Variants in CSMD1 observed in about 807,000 individuals in gnomAD.
CSMD1 encodes CUB and sushi domain-containing protein 1.
Under a neutral mutation model 417.5 loss-of-function variants are expected in CSMD1, and 213 were observed. The observed-to-expected ratio is 0.51, with a 90% CI of 0.46 to 0.57. The LOEUF (loss-of-function observed/expected upper bound fraction) is 0.57. Among genes scored for constraint, CSMD1 ranks in the 20% least tolerant of loss-of-function variants. The pLI is 0.00. For synonymous variants in CSMD1, 2,862 were observed against 1,736.8 expected (o/e 1.65, Z -16.11); for missense variants, 6,923 against 4,529.7 (o/e 1.53, Z -15.17).
At chr8:4,610,387 T>C (rs1248618324) in intron 2 of CSMD1, among the ~76,000 whole-genome samples, 1 of 152,202 alleles carries the variant, frequency 6.6e-6, no homozygotes, top group East Asian at 1.9e-4. Context: ...AATGACACCA[T>C]GCAGAAAGTT....
chr8:4,359,102 C>A (rs1039761674), intron 3 of CSMD1, among the ~76,000 whole-genome samples: 1 of 152,002 alleles, frequency 6.6e-6, no homozygotes, highest in African/African-American at 2.4e-5. Context: ...TTAATAAATG[C>A]AGGAATACTA....
At chr8:3,250,466 C>T (rs1298552542) in intron 26 of CSMD1, among the ~76,000 whole-genome samples, 3 of 152,180 alleles carry the variant, frequency 2.0e-5, no homozygotes, top group Non-Finnish European at 2.9e-5. Context: ...CATTGTTGGG[C>T]ATTTGGGTTG....
intron 5 of CSMD1, among the ~76,000 whole-genome samples, chr8:3,880,404 C>A (rs988160920): frequency 5.9e-5 from 9 of 152,128 alleles, no homozygotes; most frequent in East Asian, 5.8e-4. Context: ...GCCTCATGAC[C>A]AAATTAGCTT....
chr8:3,444,693 G>A (rs1431203960), intron 12 of CSMD1, among the ~76,000 whole-genome samples: 3 of 152,114 alleles, frequency 2.0e-5, no homozygotes, highest in Non-Finnish European at 2.9e-5. Flanking sequence ...GGCTGAGGAG[G>A]CTATGAAAAC....
intron 8 of CSMD1, among the ~76,000 whole-genome samples, chr8:3,605,441 C>T (rs1015495243): frequency 6.6e-6 from 1 of 152,170 alleles, no homozygotes; most frequent in Non-Finnish European, 1.5e-5. Flanking sequence ...AAAACCAATG[C>T]AGCAATACTA....
At chr8:4,360,361 C>T (rs968892403) in intron 3 of CSMD1, among the ~76,000 whole-genome samples, 3 of 152,286 alleles carry the variant, frequency 2.0e-5, no homozygotes, top group African/African-American at 7.2e-5. Context: ...TTAACACATG[C>T]CTCTTTACCC....
intron 38 of CSMD1, among the ~76,000 whole-genome samples, chr8:3,159,254 T>G (rs1819731161): frequency 6.6e-6 from 1 of 152,182 alleles, no homozygotes; most frequent in Non-Finnish European, 1.5e-5. Context: ...TGCTATTGAT[T>G]TTGTTATAAA....
At chr8:4,133,498 C>A (rs1262288086) in intron 3 of CSMD1, among the ~76,000 whole-genome samples, 2 of 152,150 alleles carry the variant, frequency 1.3e-5, no homozygotes, top group East Asian at 3.9e-4. Context: ...GAAAAGCCTG[C>A]CCTGCAATTA....
At chr8:4,768,642 G>T (rs10503278) in intron 1 of CSMD1, among the ~76,000 whole-genome samples, 2 of 152,034 alleles carry the variant, frequency 1.3e-5, no homozygotes, top group African/African-American at 4.8e-5. Context: ...GGTGATACCC[G>T]CAAAGTACAG....
At chr8:4,820,878 G>A (rs747990795) in intron 1 of CSMD1, among the ~76,000 whole-genome samples, 3 of 152,154 alleles carry the variant, frequency 2.0e-5, no homozygotes, top group East Asian at 1.9e-4. Context: ...ACTTTTATAT[G>A]GAGGTGATTT....
chr8:4,251,450 G>C (rs1803065780), intron 3 of CSMD1, among the ~76,000 whole-genome samples: 1 of 152,022 alleles, frequency 6.6e-6, no homozygotes, highest in Non-Finnish European at 1.5e-5. Flanking sequence ...AGGCAATTAA[G>C]GCCCCTACAC....
At chr8:3,997,463 C>G (rs983348456) in intron 5 of CSMD1, among the ~76,000 whole-genome samples, 1 of 152,150 alleles carries the variant, frequency 6.6e-6, no homozygotes, top group African/African-American at 2.4e-5. Context: ...CAGGTGGCTA[C>G]AGAATGTGGT....
intron 2 of CSMD1, among the ~76,000 whole-genome samples, chr8:4,523,654 C>T (rs888351538): frequency 6.6e-6 from 1 of 152,074 alleles, no homozygotes; most frequent in Admixed American, 6.6e-5. Flanking sequence ...GGCCTGAAGG[C>T]AACTCTAATC....
intron 6 of CSMD1, among the ~76,000 whole-genome samples, chr8:3,730,365 G>A (rs947164526): frequency 2.8e-5 from 3 of 105,622 alleles, no homozygotes; most frequent in African/African-American, 1.0e-4. Context: ...AAAATTTAAG[G>A]AGCGATTTTT....
intron 16 of CSMD1, among the ~76,000 whole-genome samples, chr8:3,397,573 T>C (rs1367040781): frequency 3.3e-5 from 5 of 152,356 alleles, no homozygotes; most frequent in South Asian, 2.1e-4. Flanking sequence ...TGGGATTGCA[T>C]AGTGCCAACT....
At chr8:3,589,182 G>A (rs1364165106) in intron 8 of CSMD1, among the ~76,000 whole-genome samples, 2 of 152,236 alleles carry the variant, frequency 1.3e-5, no homozygotes, top group Middle Eastern at 3.4e-3. Context: ...TAGTATAGGG[G>A]TTGCTGAAAA....
chr8:3,580,240 A>G (rs1800325383), intron 9 of CSMD1, among the ~76,000 whole-genome samples: 1 of 152,230 alleles, frequency 6.6e-6, no homozygotes, highest in South Asian at 2.1e-4. Flanking sequence ...ACACATGGAC[A>G]TATAATGTCA....
intron 5 of CSMD1, among the ~76,000 whole-genome samples, chr8:3,767,260 C>A (rs1425008537): frequency 6.6e-6 from 1 of 152,208 alleles, no homozygotes. Context: ...TTTATGAAAA[C>A]CAGCCGCCTT....
intron 1 of CSMD1, among the ~76,000 whole-genome samples, chr8:4,942,747 A>G (rs968886236): frequency 6.6e-6 from 1 of 152,236 alleles, no homozygotes; most frequent in Non-Finnish European, 1.5e-5. Context: ...TCATCAACAC[A>G]GACAGGGAGA....
Sources: gnomAD v4.1 joint callset for allele counts (sites outside exome capture counted in the v4.1 genomes callset) on GRCh38, gnomAD v4.1.1 for gene constraint, MANE v1.5 for transcripts, NCBI Gene and HGNC (gene_info 2026-07-23, HGNC 2026-07-21) for gene names.